Variants in ROBO1 observed in about 807,000 individuals in gnomAD.
ROBO1 encodes roundabout guidance receptor 1.
A neutral mutation model predicts 195.9 loss-of-function variants in ROBO1; 149 were observed. That is an observed-to-expected ratio of 0.76 (90% CI 0.67 to 0.87). The LOEUF (loss-of-function observed/expected upper bound fraction) is 0.87. Ranked by LOEUF, ROBO1 falls within the 40% of genes least tolerant of loss-of-function variation. ROBO1 has a pLI of 0.00. For synonymous variants in ROBO1, 816 were observed against 733.2 expected (o/e 1.11, Z -1.82); for missense variants, 1,933 against 2,068.3 (o/e 0.93, Z 1.27).
At chr3:79,586,364 G>A (rs573880595) in intron 2 of ROBO1, among the ~76,000 whole-genome samples, 3 of 151,964 alleles carry the variant, frequency 2.0e-5, no homozygotes, top group African/African-American at 7.2e-5. Context: ...TACTGAAGTG[G>A]TGGTCAATGG....
intron 4 of ROBO1, among the ~76,000 whole-genome samples, chr3:78,794,919 G>A (rs2084137897): frequency 6.6e-6 from 1 of 152,080 alleles, no homozygotes; most frequent in Non-Finnish European, 1.5e-5. Flanking sequence ...CATTCTGGGA[G>A]TTTTAAAACA....
intron 10 of ROBO1, among the ~76,000 whole-genome samples, chr3:78,683,268 C>T (rs1218421714): frequency 3.3e-5 from 5 of 152,004 alleles, no homozygotes; most frequent in Admixed American, 3.3e-4. Flanking sequence ...TTGAGAGATA[C>T]ATGTGGGATA....
At chr3:78,935,705 CA>C (rs1405323797) in intron 4 of ROBO1, among the ~76,000 whole-genome samples, 1 of 151,792 alleles carries the variant, frequency 6.6e-6, no homozygotes. Context: ...TTAAAAACAG[CA>C]AAGTATTCTA....
At chr3:78,848,972 G>C (rs2033853928) in intron 4 of ROBO1, among the ~76,000 whole-genome samples, 1 of 152,046 alleles carries the variant, frequency 6.6e-6, no homozygotes, top group Non-Finnish European at 1.5e-5. Flanking sequence ...AGGATGAGAG[G>C]CTGGACATAT....
chr3:79,489,471 T>A (rs564856426), intron 2 of ROBO1, among the ~76,000 whole-genome samples: 4 of 152,002 alleles, frequency 2.6e-5, no homozygotes, highest in Admixed American at 2.0e-4. Context: ...CTGGCCAACA[T>A]GGTGAAACCC....
chr3:78,640,662 G>A (rs1050916348), intron 21 of ROBO1, among the ~76,000 whole-genome samples: 3 of 152,134 alleles, frequency 2.0e-5, no homozygotes, highest in Non-Finnish European at 2.9e-5. Context: ...GTACATCAGC[G>A]ATTATTAATG....
At chr3:78,860,147 A>G (rs1360886167) in intron 4 of ROBO1, among the ~76,000 whole-genome samples, 1 of 141,282 alleles carries the variant, frequency 7.1e-6, no homozygotes, top group Non-Finnish European at 1.6e-5. Context: ...AGGTAGATAG[A>G]TAGATAGATA....
Position 79,123,511 on chromosome 3 carries a change from A to G in ROBO1, c.172+1945T>C, listed in dbSNP as rs1476960177. ...ACTTGCAATGGAAGTTATAATGAAT[A>G]TAAGTATGGTTAACATGCAAACAAA... On this transcript the variant is annotated intron_variant, in intron 3 of 30. Transcript: ENST00000464233. 2.0e-5 allele frequency among the ~76,000 whole-genome samples: 3 copies of G among 152,012 alleles called. No individual in the cohort carries two copies. The East Asian group carries it at 5.8e-4, about 29-fold the overall frequency.
chr3:79,148,332 C>T (rs920299044), intron 2 of ROBO1, among the ~76,000 whole-genome samples: 17 of 151,712 alleles, frequency 1.1e-4, no homozygotes, highest in Admixed American at 2.0e-4. Context: ...AAAAAGTATA[C>T]CATTTAAAAA....
chr3:78,755,856 C>A (rs974044178), intron 4 of ROBO1, among the ~76,000 whole-genome samples: 13 of 152,072 alleles, frequency 8.5e-5, no homozygotes, highest in African/African-American at 3.1e-4. Context: ...AAAATTGTTT[C>A]ATTGGTTAAA....
At chr3:78,712,238 G>T (rs1415169817) in intron 8 of ROBO1, among the ~76,000 whole-genome samples, 3 of 152,090 alleles carry the variant, frequency 2.0e-5, no homozygotes, top group African/African-American at 7.2e-5. Context: ...GGGAGAGAAA[G>T]ATTATGTTTG....
At chr3:78,757,687 C>G (rs1172849158) in intron 4 of ROBO1, among the ~76,000 whole-genome samples, 1 of 152,124 alleles carries the variant, frequency 6.6e-6, no homozygotes, top group Non-Finnish European at 1.5e-5. Flanking sequence ...CTCTTCCCAC[C>G]AATGTATCTT....
At chr3:79,452,744 A>C (rs1267725636) in intron 2 of ROBO1, among the ~76,000 whole-genome samples, 1 of 152,074 alleles carries the variant, frequency 6.6e-6, no homozygotes, top group Admixed American at 6.6e-5. Flanking sequence ...TTTACTTGAA[A>C]TATATATGAT....
intron 4 of ROBO1, among the ~76,000 whole-genome samples, chr3:78,929,225 A>G (rs2039376804): frequency 6.6e-6 from 1 of 152,176 alleles, no homozygotes; most frequent in Admixed American, 6.5e-5. Context: ...TTTTCACTTT[A>G]GAGACTAAGA....
chr3:79,229,367 A>C (rs1345616690), intron 2 of ROBO1, among the ~76,000 whole-genome samples: 3 of 152,130 alleles, frequency 2.0e-5, no homozygotes, highest in Non-Finnish European at 4.4e-5. Flanking sequence ...AACTGTACCA[A>C]TTGCAGGAAA....
chr3:79,591,825 T>C (rs2107825784), intron 1 of ROBO1, among the ~76,000 whole-genome samples: 1 of 151,796 alleles, frequency 6.6e-6, no homozygotes, highest in Non-Finnish European at 1.5e-5. Context: ...GATATAACAG[T>C]TGCCCTATCT....
At chr3:79,658,124 A>C (rs1946223888) in intron 1 of ROBO1, among the ~76,000 whole-genome samples, 1 of 152,116 alleles carries the variant, frequency 6.6e-6, no homozygotes, top group African/African-American at 2.4e-5. Context: ...TTGATTGAAA[A>C]GGAAAGTTTT....
chr3:79,274,249 A>G (rs1559782126), intron 2 of ROBO1, among the ~76,000 whole-genome samples: 1 of 151,982 alleles, frequency 6.6e-6, no homozygotes, highest in East Asian at 1.9e-4. Flanking sequence ...TCTCAAGGAT[A>G]GAGCATATGT....
intron 1 of ROBO1, among the ~76,000 whole-genome samples, chr3:79,621,484 T>A (rs6771681): frequency 0.3 from 45,325 of 152,024 alleles, 8,437 homozygotes; most frequent in African/African-American, 0.53. Flanking sequence ...ATAATCAACA[T>A]GAAGGAAAAA....
Sources: gnomAD v4.1 joint callset for allele counts (sites outside exome capture counted in the v4.1 genomes callset) on GRCh38, gnomAD v4.1.1 for gene constraint, MANE v1.5 for transcripts, NCBI Gene and HGNC (gene_info 2026-07-23, HGNC 2026-07-21) for gene names.